WWOX: variants seen among roughly 807,000 people sequenced by gnomAD.
The protein encoded by WWOX is WW domain containing oxidoreductase.
A neutral mutation model predicts 46.2 loss-of-function variants in WWOX; 69 were observed. The ratio of observed to expected loss-of-function variants is 1.49; its 90% CI spans 1.23 to 1.82. WWOX has a LOEUF of 1.82. WWOX is among the 40% of genes most tolerant of loss of function. The probability of loss-of-function intolerance (pLI) is 0.00; values close to 1 mark genes in which losing one functional copy is unlikely to be tolerated. For synonymous variants in WWOX, 359 were observed against 202.6 expected (o/e 1.77, Z -6.56); for missense variants, 919 against 542.6 (o/e 1.69, Z -6.89).
At chr16:78,118,457 C>CA (rs1329469351) in intron 4 of WWOX, among the ~76,000 whole-genome samples, 1 of 152,150 alleles carries the variant, frequency 6.6e-6, no homozygotes, top group Non-Finnish European at 1.5e-5. Flanking sequence ...TGGAGATGAA[C>CA]AAACTGCCAT....
chr16:78,202,416 A>G (rs761416627), intron 5 of WWOX, among the ~76,000 whole-genome samples: 2 of 152,180 alleles, frequency 1.3e-5, no homozygotes, highest in Non-Finnish European at 2.9e-5. Context: ...ATCTGGCTTT[A>G]TCCATTTTAA....
chr16:79,110,085 T>G (rs182961643), intron 8 of WWOX, among the ~76,000 whole-genome samples: 3 of 152,192 alleles, frequency 2.0e-5, no homozygotes, highest in Non-Finnish European at 4.4e-5. Context: ...TTTCAGACTT[T>G]CGCTTAGCAA....
intron 8 of WWOX, among the ~76,000 whole-genome samples, chr16:78,585,240 G>A (rs1178795361): frequency 6.6e-6 from 1 of 152,188 alleles, no homozygotes; most frequent in African/African-American, 2.4e-5. Flanking sequence ...TGCAAACTCA[G>A]GCTGAATGTT....
chr16:78,328,851 T>G (rs2080693815), intron 5 of WWOX, among the ~76,000 whole-genome samples: 1 of 152,102 alleles, frequency 6.6e-6, no homozygotes, highest in Non-Finnish European at 1.5e-5. Context: ...TCTTTTGTTT[T>G]CTTTTCTTTT....
At chr16:78,536,781 G>T (rs1195873098) in intron 8 of WWOX, among the ~76,000 whole-genome samples, 1 of 151,990 alleles carries the variant, frequency 6.6e-6, no homozygotes, top group Non-Finnish European at 1.5e-5. Flanking sequence ...GCCTCTAGCT[G>T]ATGTGGATTA....
intron 8 of WWOX, among the ~76,000 whole-genome samples, chr16:78,882,942 G>A (rs8061768): frequency 0.16 from 23,880 of 152,030 alleles, 2,770 homozygotes; most frequent in African/African-American, 0.32. Context: ...CGGCACCAGC[G>A]ATGTCGTAGG....
At chr16:78,511,257 T>C (rs1265152934) in intron 8 of WWOX, among the ~76,000 whole-genome samples, 2 of 152,186 alleles carry the variant, frequency 1.3e-5, no homozygotes, top group African/African-American at 2.4e-5. Flanking sequence ...CTAGTACAAT[T>C]AGTCACCATG....
chr16:78,707,442 A>G (rs2048349099), intron 8 of WWOX, among the ~76,000 whole-genome samples: 1 of 152,210 alleles, frequency 6.6e-6, no homozygotes, highest in African/African-American at 2.4e-5. Flanking sequence ...GGTTCTGGAC[A>G]TCTTCTTGGG....
chr16:78,358,644 C>T (rs896912699), intron 5 of WWOX, among the ~76,000 whole-genome samples: 8 of 150,440 alleles, frequency 5.3e-5, no homozygotes, highest in African/African-American at 2.0e-4. Flanking sequence ...AGCAACAGAG[C>T]AAGACTCCGT....
intron 8 of WWOX, among the ~76,000 whole-genome samples, chr16:78,945,249 AG>A (rs1166365909): frequency 6.6e-6 from 1 of 152,186 alleles, no homozygotes; most frequent in African/African-American, 2.4e-5. Context: ...ACCAAATAAC[AG>A]TGGCACCAGT....
At chr16:79,031,426 A>G (rs2047751990) in intron 8 of WWOX, among the ~76,000 whole-genome samples, 1 of 62,110 alleles carries the variant, frequency 1.6e-5, no homozygotes, top group African/African-American at 3.9e-5. Flanking sequence ...CGCATTAGAC[A>G]TCTTCAAGTG....
At chr16:78,949,721 G>A (rs112470176) in intron 8 of WWOX, among the ~76,000 whole-genome samples, 1 of 152,182 alleles carries the variant, frequency 6.6e-6, no homozygotes, top group Admixed American at 6.5e-5. Flanking sequence ...AGCTGTCCCT[G>A]ATCTACCTTG....
intron 8 of WWOX, among the ~76,000 whole-genome samples, chr16:79,054,134 A>G (rs554691078): frequency 8.5e-5 from 13 of 152,310 alleles, no homozygotes; most frequent in South Asian, 2.1e-4. Flanking sequence ...TAGGCTGTCA[A>G]TGTTGGCTGT....
At chr16:78,331,868 TC>T (rs1319398298) in intron 5 of WWOX, among the ~76,000 whole-genome samples, 3 of 152,186 alleles carry the variant, frequency 2.0e-5, no homozygotes, top group Admixed American at 2.0e-4. Flanking sequence ...TTCAAATTAT[TC>T]CCCCCTTTAC....
At chr16:78,156,464 C>T (rs958375278) in intron 4 of WWOX, among the ~76,000 whole-genome samples, 3 of 152,176 alleles carry the variant, frequency 2.0e-5, no homozygotes, top group African/African-American at 4.8e-5. Flanking sequence ...CAGTTTGAAA[C>T]AGCCTGGATT....
At chr16:78,650,122 G>C (rs938263751) in intron 8 of WWOX, among the ~76,000 whole-genome samples, 3 of 152,198 alleles carry the variant, frequency 2.0e-5, no homozygotes, top group Non-Finnish European at 4.4e-5. Flanking sequence ...GAAGAAAAGG[G>C]AGAAAAGCAG....
At chr16:79,028,588 C>A (rs1465559951) in intron 8 of WWOX, among the ~76,000 whole-genome samples, 1 of 151,304 alleles carries the variant, frequency 6.6e-6, no homozygotes, top group East Asian at 1.9e-4. Flanking sequence ...CCCTTTCCAG[C>A]TTAACTAAAA....
chr16:78,897,867 T>G (rs908647403), intron 8 of WWOX: 1 of 152,144 alleles, frequency 6.6e-6, no homozygotes, highest in African/African-American at 2.4e-5. Context: ...AGCCTTTTTG[T>G]GGGTGAGAAA....
intron 8 of WWOX, among the ~76,000 whole-genome samples, chr16:78,439,897 A>G (rs78245757): frequency 0.068 from 10,407 of 152,242 alleles, 406 homozygotes; most frequent in South Asian, 0.1. Context: ...GAAGGCACAG[A>G]TGGGAGGGAT....
Sources: gnomAD v4.1 joint callset for allele counts (sites outside exome capture counted in the v4.1 genomes callset) on GRCh38, gnomAD v4.1.1 for gene constraint, MANE v1.5 for transcripts, NCBI Gene and HGNC (gene_info 2026-07-23, HGNC 2026-07-21) for gene names.